The following KCNMB2 variants were observed in gnomAD, a reference collection of about 807,000 sequenced individuals.
KCNMB2 encodes calcium-activated potassium channel subunit beta-2.
In KCNMB2, 9 loss-of-function variants were observed where a neutral mutation model predicts 24.5. That is an observed-to-expected ratio of 0.37 (90% CI 0.22 to 0.64). The LOEUF (loss-of-function observed/expected upper bound fraction) is 0.64, where lower values mean the gene tolerates loss of function less well. Ranked by LOEUF, KCNMB2 falls within the 30% of genes least tolerant of loss-of-function variation. The probability of loss-of-function intolerance (pLI) is 0.63; values close to 1 mark genes in which losing one functional copy is unlikely to be tolerated. For missense variants in KCNMB2, 226 were observed against 284.3 expected, an observed-to-expected ratio of 0.79 and a Z score of 1.47; for synonymous variants, 109 against 104.4, an observed-to-expected ratio of 1.04 and a Z score of -0.27.
Position 178,814,606 on chromosome 3 carries a change from T to C in KCNMB2, c.56+7141T>C, listed in dbSNP as rs151267290. Among the ~76,000 whole-genome samples, 140 of 152,342 alleles carry C rather than the reference T, an allele frequency of 9.2e-4. 1 individual carries two copies. In the East Asian group the frequency reaches 0.016, roughly 17 times the overall value. ...AAGTTACATTTCCACCAATAGTGCC[T>C]AAGTGTTCCCTTTTCCTCTCAGCCT... On this transcript the variant is annotated intron_variant, in intron 2 of 4. Coordinates refer to ENST00000452583, the MANE Select transcript of KCNMB2 (RefSeq NM_181361.3).
At chr3:178,694,263 A>G (rs1388321313) in intron 1 of KCNMB2, among the ~76,000 whole-genome samples, 1 of 152,206 alleles carries the variant, frequency 6.6e-6, no homozygotes, top group Non-Finnish European at 1.5e-5. Context: ...CCCCTGATTC[A>G]GTTATTTCCA....
intron 1 of KCNMB2, among the ~76,000 whole-genome samples, chr3:178,577,455 C>G (rs1717037212): frequency 6.6e-6 from 1 of 152,186 alleles, no homozygotes; most frequent in African/African-American, 2.4e-5. Flanking sequence ...ACCAGAACGT[C>G]TCTTCTCCTC....
At chr3:178,803,075 ATTGT>A (rs1159070237) in intron 1 of KCNMB2, among the ~76,000 whole-genome samples, 1 of 152,164 alleles carries the variant, frequency 6.6e-6, no homozygotes, top group Non-Finnish European at 1.5e-5. Flanking sequence ...TTTTACATGT[ATTGT>A]TTTACTTAGT....
At chr3:178,649,831 C>CTT (rs34965671) in intron 1 of KCNMB2, among the ~76,000 whole-genome samples, 1 of 151,260 alleles carries the variant, frequency 6.6e-6, no homozygotes, top group Non-Finnish European at 1.5e-5. Flanking sequence ...GATTCATTGA[C>CTT]TTTTTTCTCC....
chr3:178,653,177 T>C (rs1247245059), intron 1 of KCNMB2, among the ~76,000 whole-genome samples: 3 of 152,164 alleles, frequency 2.0e-5, no homozygotes, highest in Admixed American at 2.0e-4. Flanking sequence ...TCCATAATGG[T>C]CCTATGGATT....
At chr3:178,598,834 C>G (rs185924092) in intron 1 of KCNMB2, among the ~76,000 whole-genome samples, 1 of 152,068 alleles carries the variant, frequency 6.6e-6, no homozygotes, top group African/African-American at 2.4e-5. Flanking sequence ...TGTATGCACT[C>G]TCCTCTAAGT....
At chr3:178,711,329 G>A (rs1335742960) in intron 1 of KCNMB2, among the ~76,000 whole-genome samples, 5 of 151,978 alleles carry the variant, frequency 3.3e-5, no homozygotes, top group African/African-American at 1.2e-4. Context: ...ATTGTGCCTG[G>A]CATTTGGTCT....
intron 1 of KCNMB2, among the ~76,000 whole-genome samples, chr3:178,679,235 A>T (rs13087388): frequency 0.32 from 49,139 of 151,342 alleles, 8,616 homozygotes; most frequent in African/African-American, 0.46. Context: ...TTTCTCCTTT[A>T]TTTTTTCTTT....
At chr3:178,767,334 C>A (rs1156991645) in intron 1 of KCNMB2, among the ~76,000 whole-genome samples, 1 of 152,046 alleles carries the variant, frequency 6.6e-6, no homozygotes, top group Non-Finnish European at 1.5e-5. Flanking sequence ...TTTGTATATT[C>A]CAGAAGCACT....
chr3:178,657,208 A>T (rs1380280134), intron 1 of KCNMB2, among the ~76,000 whole-genome samples: 1 of 152,212 alleles, frequency 6.6e-6, no homozygotes, highest in African/African-American at 2.4e-5. Flanking sequence ...TCCCCACAAA[A>T]GAGGTCCTGC....
intron 1 of KCNMB2, among the ~76,000 whole-genome samples, chr3:178,601,522 C>T (rs983897353): frequency 2.9e-4 from 44 of 152,174 alleles, no homozygotes; most frequent in African/African-American, 8.4e-4. Context: ...AGTGAATATC[C>T]CTGTCCACAG....
At chr3:178,658,342 T>A (rs1720412774) in intron 1 of KCNMB2, among the ~76,000 whole-genome samples, 1 of 152,222 alleles carries the variant, frequency 6.6e-6, no homozygotes, top group South Asian at 2.1e-4. Context: ...GCTAGTGTTT[T>A]CATCATTGAG....
rs116163701 is a variant in KCNMB2 at position 178,741,327 on chromosome 3, C to T, written c.-67-66016C>T. Among the ~76,000 whole-genome samples, 453 of 152,314 alleles carry T rather than the reference C, an allele frequency of 3.0e-3. 4 individuals carry two copies. The highest frequency in any genetic ancestry group is 0.01 in the African/African-American group (425 of 41,558). ...AAAAAAATGGAACACCTGTGAAACACCTAGCACACTGTATGGCTCATAGCA... is the reference window on the plus strand; with the variant it reads ...AAAAAAATGGAACACCTGTGAAACATCTAGCACACTGTATGGCTCATAGCA... On this transcript the variant is annotated intron_variant, in intron 1 of 4. Transcript: ENST00000452583.
chr3:178,694,906 C>A (rs768866751), intron 1 of KCNMB2, among the ~76,000 whole-genome samples: 6 of 152,218 alleles, frequency 3.9e-5, no homozygotes, highest in Non-Finnish European at 8.8e-5. Flanking sequence ...CTTATTCTCA[C>A]AGCTCCACCA....
At chr3:178,713,672 G>T (rs150389005) in intron 1 of KCNMB2, among the ~76,000 whole-genome samples, 3 of 152,198 alleles carry the variant, frequency 2.0e-5, no homozygotes, top group African/African-American at 7.2e-5. Flanking sequence ...CAGAAGGTAT[G>T]GTCTCTGCCC....
chr3:178,591,478 C>G (rs1202074711), intron 1 of KCNMB2, among the ~76,000 whole-genome samples: 2 of 152,146 alleles, frequency 1.3e-5, no homozygotes, highest in Non-Finnish European at 2.9e-5. Context: ...TCCTGCTTGT[C>G]CCCAAGCCTT....
chr3:178,546,479 A>T (rs557553875), intron 1 of KCNMB2, among the ~76,000 whole-genome samples: 19 of 152,222 alleles, frequency 1.2e-4, no homozygotes, highest in Admixed American at 9.8e-4. Flanking sequence ...TTAATAAACA[A>T]GATAAAAAGG....
chr3:178,799,085 G>GA (rs1713672185), intron 1 of KCNMB2, among the ~76,000 whole-genome samples: 1 of 151,928 alleles, frequency 6.6e-6, no homozygotes. Context: ...ACTGAATGGG[G>GA]AAAAAATGAA....
At chr3:178,579,362 C>A (rs1392596257) in intron 1 of KCNMB2, among the ~76,000 whole-genome samples, 1 of 152,012 alleles carries the variant, frequency 6.6e-6, no homozygotes, top group African/African-American at 2.4e-5. Flanking sequence ...TGGGACACAG[C>A]TAAAGCAGTG....
Sources: allele counts gnomAD v4.1 joint callset (sites outside exome capture counted in the v4.1 genomes callset), GRCh38; gene constraint gnomAD v4.1.1; transcripts MANE v1.5; gene names NCBI Gene and HGNC (gene_info 2026-07-23, HGNC 2026-07-21).